KMT5A: variants seen among roughly 807,000 people sequenced by gnomAD.
KMT5A encodes the protein lysine methyltransferase 5A, also known as N-lysine methyltransferase KMT5A.
KMT5A carries 6 observed loss-of-function variants against 40.6 expected under a neutral mutation model. The observed-to-expected ratio is 0.15, with a 90% CI of 0.08 to 0.29. The LOEUF is 0.29. KMT5A is among the 10% of genes least tolerant of loss of function. The pLI is 1.00. For missense variants in KMT5A, 308 were observed against 459.1 expected, an observed-to-expected ratio of 0.67 and a Z score of 3.01; for synonymous variants, 153 against 178.8, an observed-to-expected ratio of 0.86 and a Z score of 1.15.
intron 5 of KMT5A, among the ~76,000 whole-genome samples, chr12:123,401,672 C>A (rs1878191743): frequency 1.3e-5 from 2 of 152,022 alleles, no homozygotes. Flanking sequence ...AACTCCACCT[C>A]CTGGGTTCAA....
At chr12:123,394,589 C>T (rs373341022) in intron 3 of KMT5A, among the ~76,000 whole-genome samples, 7 of 152,210 alleles carry the variant, frequency 4.6e-5, no homozygotes, top group Admixed American at 2.0e-4. Context: ...TAGAAGGGGA[C>T]CTTCTTTTTC....
At chr12:123,401,390 C>T (rs28855757) in intron 5 of KMT5A, among the ~76,000 whole-genome samples, 41,837 of 150,778 alleles carry the variant, frequency 0.28, 7,179 homozygotes, top group African/African-American at 0.48. Flanking sequence ...CTTCGTGATC[C>T]GCCCGCCTCG....
chr12:123,398,433 G>C (rs923330483), intron 5 of KMT5A, among the ~76,000 whole-genome samples: 7 of 152,208 alleles, frequency 4.6e-5, no homozygotes, highest in African/African-American at 1.7e-4. Context: ...TTAGGGTGGG[G>C]GGAGCCGAGT....
intron 5 of KMT5A, among the ~76,000 whole-genome samples, chr12:123,397,748 C>T (rs28547406): frequency 0.018 from 2,780 of 150,730 alleles, 43 homozygotes; most frequent in Middle Eastern, 0.031. Context: ...CTCACCGCAA[C>T]CTCCATCTCT....
intron 7 of KMT5A, among the ~76,000 whole-genome samples, chr12:123,406,779 C>T (rs1420116267): frequency 6.6e-6 from 1 of 152,000 alleles, no homozygotes; most frequent in African/African-American, 2.4e-5. Flanking sequence ...GTGATCCCAG[C>T]ACTTTGGGTG....
At chr12:123,407,128 A>G (rs1279324200) in intron 7 of KMT5A, among the ~76,000 whole-genome samples, 1 of 150,960 alleles carries the variant, frequency 6.6e-6, no homozygotes. Flanking sequence ...ACTTGAGCCC[A>G]GGGGTTGGAG....
chr12:123,403,501 T>TC, intron 5 of KMT5A, 72 bp from the exon 6 acceptor site: 1 of 1,559,070 alleles, frequency 6.4e-7, no homozygotes, highest in Non-Finnish European at 8.8e-7. Context: ...CAATCAGGGC[T>TC]CAAGACCATC....
rs755931632 is a variant in KMT5A at position 123,390,677 on chromosome 12, G to A, written c.180G>A (p.Pro60=). The part of the protein sequence containing the change: ...GQSKIYSYMS[P]NKCSGMRFPL... The stretch of plus-strand genomic sequence containing the variant: ...CAAAGATCTATTCCTACATGAGCCC[G>A]AACAAATGCTCTGGAATGCGTTTCC... The change falls in exon 3 of 8, where the codon CCG becomes CCA. Residue 60 remains proline, a synonymous_variant. Coordinates refer to ENST00000402868, the MANE Select transcript of KMT5A (RefSeq NM_020382.7). 6.2e-7 allele frequency: 1 copy of A among 1,613,842 alleles called. No homozygotes were observed. Among genetic ancestry groups the A allele is most frequent in the South Asian group, 1.1e-5 (1 of 91,062 alleles).
chr12:123,391,081 G>A (rs1469932151), intron 3 of KMT5A: 27 of 358,476 alleles, frequency 7.5e-5, no homozygotes, highest in Non-Finnish European at 1.1e-4. Flanking sequence ...CACAAGTGCT[G>A]AAAGTGCAGA....
At chr12:123,404,285 C>A (rs562172608) in intron 6 of KMT5A, among the ~76,000 whole-genome samples, 2 of 152,148 alleles carry the variant, frequency 1.3e-5, no homozygotes, top group African/African-American at 4.8e-5. Context: ...ACTAGGGCTC[C>A]GGGTTCAGAA....
rs1411732360 is a variant in KMT5A, at chr12:123,384,668, G to A, written c.10+460G>A. ...ACCTGCATATTGGGGTGCGCGTCAGGGTGGACACCGCAGCAGGCGCCTTTC... is the reference window on the plus strand; with the variant it reads ...ACCTGCATATTGGGGTGCGCGTCAGAGTGGACACCGCAGCAGGCGCCTTTC... On this transcript the variant is annotated intron_variant, in intron 1 of 7. Transcript: ENST00000402868. This position sits in a 1 kb window ranked among gnomAD's most constrained non-coding sequence, Gnocchi z 5.7. 6.6e-6 allele frequency among the ~76,000 whole-genome samples: 1 copy of A among 152,260 alleles called. No homozygotes were observed. The highest frequency in any genetic ancestry group is 1.9e-4 in the East Asian group (1 of 5,202).
In KMT5A at chr12:123,384,303, T is replaced by C; in HGVS notation, c.10+95T>C. Reference sequence around the variant, plus strand: ...AGGCAGCGGCTGCGGGGAGGCGTCCTCCTCGGGTGGCTCGGGGCAAGCTTG... The same window carrying C: ...AGGCAGCGGCTGCGGGGAGGCGTCCCCCTCGGGTGGCTCGGGGCAAGCTTG... On this transcript the variant is annotated intron_variant, in intron 1 of 7. Coordinates refer to ENST00000402868, the MANE Select transcript of KMT5A (RefSeq NM_020382.7). The surrounding 1 kb of genome is among the most constrained non-coding windows in gnomAD (Gnocchi z 5.7). 1 of 1,538,102 alleles carries C rather than the reference T, an allele frequency of 6.5e-7. No homozygotes were observed. Among genetic ancestry groups the C allele is most frequent in the Non-Finnish European group, 8.8e-7 (1 of 1,135,548 alleles).
chr12:123,404,698 G>A (rs900236764), intron 6 of KMT5A, among the ~76,000 whole-genome samples, 186 bp from the exon 7 acceptor site: 3 of 152,202 alleles, frequency 2.0e-5, no homozygotes. Context: ...GGCCTGTAGT[G>A]ACGGTTGCAC....
At chr12:123,388,357 G>A (rs1342281755) in intron 1 of KMT5A, 1 of 152,220 alleles carries the variant, frequency 6.6e-6, no homozygotes, top group Non-Finnish European at 1.5e-5. Context: ...TACCTTTGCA[G>A]GGCTGCTGTG....
At chr12:123,405,330 AT>A (rs548362145) in intron 7 of KMT5A, among the ~76,000 whole-genome samples, 182 of 148,090 alleles carry the variant, frequency 1.2e-3, no homozygotes, top group African/African-American at 3.7e-3. Flanking sequence ...AGCCCAGCTA[AT>A]TTTTTTTTTC....
At chr12:123,394,885 T>C (rs1020980758) in intron 3 of KMT5A, among the ~76,000 whole-genome samples, 162 bp from the exon 4 acceptor site, 1 of 152,106 alleles carries the variant, frequency 6.6e-6, no homozygotes, top group Non-Finnish European at 1.5e-5. Flanking sequence ...ACTCCCCCTG[T>C]CATAGCCCAT....
chr12:123,390,991 C>T lies in KMT5A; in HGVS notation c.289+205C>T, dbSNP rs79073955. 5,584 of 569,286 alleles carry T rather than the reference C, an allele frequency of 9.8e-3. 262 individuals are homozygous for T. Among genetic ancestry groups the T allele is most frequent in the African/African-American group, 0.095 (5,054 of 53,330 alleles). The allele number at this position is 569,286 out of a possible 1,614,324, so 35.3% of individuals were successfully genotyped here. On this transcript the variant is annotated intron_variant, in intron 3 of 7. Coordinates refer to ENST00000402868, the MANE Select transcript of KMT5A (RefSeq NM_020382.7). ...GTTTGACAGGTTTTCCCTGCTTTCACAAGAGTTAGCATATCCTTCAAGCTT... is the reference window on the plus strand; with the variant it reads ...GTTTGACAGGTTTTCCCTGCTTTCATAAGAGTTAGCATATCCTTCAAGCTT...
chr12:123,389,586 C>T, intron 2 of KMT5A, 32 bp downstream of exon 2: 1 of 1,069,048 alleles, frequency 9.4e-7, no homozygotes, highest in Non-Finnish European at 1.1e-6. Flanking sequence ...ACCCCTGCGG[C>T]GCGCCCGCCG....
intron 5 of KMT5A, among the ~76,000 whole-genome samples, chr12:123,401,645 G>C (rs1405032671): frequency 6.6e-6 from 1 of 150,772 alleles, no homozygotes; most frequent in Admixed American, 6.6e-5. Context: ...GCAGTGGTGC[G>C]ATCTTGGCCT....
Sources: gnomAD v4.1 joint callset for allele counts (sites outside exome capture counted in the v4.1 genomes callset) on GRCh38, gnomAD v4.1.1 for gene constraint, Gnocchi (gnomAD v3.1) non-coding constraint, MANE v1.5 for transcripts, NCBI Gene and HGNC (gene_info 2026-07-23, HGNC 2026-07-21) for gene names.